HECTD2: variants seen among roughly 807,000 people sequenced by gnomAD.
HECTD2 encodes the protein probable E3 ubiquitin-protein ligase HECTD2.
A neutral mutation model predicts 103.2 loss-of-function variants in HECTD2; 35 were observed. That is an observed-to-expected ratio of 0.34 (90% confidence interval 0.26 to 0.45). The LOEUF (loss-of-function observed/expected upper bound fraction) is 0.45. Ranked by LOEUF, HECTD2 falls within the 20% of genes least tolerant of loss-of-function variation. The pLI is 1.00. For missense variants in HECTD2, 596 were observed against 937.4 expected (o/e 0.64, Z 4.76); for synonymous variants, 281 against 329.9 (o/e 0.85, Z 1.61).
intron 2 of HECTD2, among the ~76,000 whole-genome samples, chr10:91,429,585 A>C (rs1050457111): frequency 4.6e-5 from 7 of 152,220 alleles, no homozygotes; most frequent in Admixed American, 2.6e-4. Context: ...AGAGATTCAA[A>C]TTCTTCCTGG....
rs569407136 is a variant in HECTD2, at chr10:91,513,915, G to T, written c.*1531G>T. ...GGGTCACTTTGTTTACTATTCTCTT[G>T]GAGATGGAAGTGATTCTGCTCTTCC... On this transcript the variant is annotated 3_prime_UTR_variant, in exon 21 of 21. Coordinates refer to ENST00000298068, the MANE Select transcript of HECTD2 (RefSeq NM_182765.6). 1 of 152,588 alleles carries T rather than the reference G, an allele frequency of 6.6e-6. No individual in the cohort carries two copies. The highest frequency in any genetic ancestry group is 2.4e-5 in the African/African-American group (1 of 41,514). The allele number at this position is 152,588 out of a possible 1,614,324, so 9.5% of individuals were successfully genotyped here. A position where few individuals can be genotyped will look rare whatever the true frequency, so the allele number is the denominator to read the frequency against.
chr10:91,415,026 A>G (rs1843063610), intron 1 of HECTD2, among the ~76,000 whole-genome samples: 1 of 152,246 alleles, frequency 6.6e-6, no homozygotes, highest in Non-Finnish European at 1.5e-5. Flanking sequence ...TGCCTGAGGC[A>G]ATGAGTGCAT....
chr10:91,412,722 A>G (rs1365016330), intron 1 of HECTD2, among the ~76,000 whole-genome samples: 1 of 150,212 alleles, frequency 6.7e-6, no homozygotes, highest in East Asian at 1.9e-4. Flanking sequence ...CTTCAAAGCT[A>G]GAATTCAGAG....
In HECTD2 at chr10:91,454,744, A is replaced by G. The variant is rs886836716; in HGVS notation, c.269-5683A>G. Among the ~76,000 whole-genome samples the G allele has an allele frequency of 3.5e-5, 5 of 142,598 alleles. No homozygotes were observed. The East Asian group carries it at 8.3e-4, about 24-fold the overall frequency. 93.5% of individuals were successfully genotyped at this position (142,598 alleles called of 152,430 possible). A position where few individuals can be genotyped will look rare whatever the true frequency, so the allele number is the denominator to read the frequency against. ...CTCCCCCTACCCCACAACAGGCCCC[A>G]GTGTGTAATGTTCCCCTTCCTGTGT... On this transcript the variant is annotated intron_variant, in intron 2 of 20. Coordinates refer to ENST00000298068, the MANE Select transcript of HECTD2 (RefSeq NM_182765.6).
chr10:91,491,328 A>G, intron 12 of HECTD2, 21 bp downstream of exon 12: 1 of 1,113,156 alleles, frequency 9.0e-7, no homozygotes, highest in Non-Finnish European at 1.3e-6. Flanking sequence ...TTCCAAAATG[A>G]TATTAATTAA....
intron 4 of HECTD2, 49 bp from the exon 5 acceptor site, chr10:91,462,046 A>C: frequency 7.5e-7 from 1 of 1,336,420 alleles, no homozygotes; most frequent in South Asian, 1.3e-5. Flanking sequence ...TTTACTAAGA[A>C]TAGTCTTTAA....
chr10:91,469,802 A>C (rs1238592503), intron 5 of HECTD2, among the ~76,000 whole-genome samples: 1 of 152,192 alleles, frequency 6.6e-6, no homozygotes, highest in Admixed American at 6.5e-5. Context: ...AGAAAGACCA[A>C]ACTATATGCT....
chr10:91,460,612 G>C (rs772030060), intron 3 of HECTD2, 47 bp downstream of exon 3: 1 of 1,527,294 alleles, frequency 6.5e-7, no homozygotes, highest in Admixed American at 2.1e-5. Context: ...CTGCATGTCA[G>C]CACTTTACAT....
Position 91,476,934 on chromosome 10 carries a change from A to G in HECTD2, c.601-1267A>G, listed in dbSNP as rs1315343713. Among the ~76,000 whole-genome samples the G allele has an allele frequency of 6.9e-5, 10 of 145,626 alleles. No homozygotes were observed. In the East Asian group the frequency reaches 2.1e-3, roughly 31 times the overall value. ...GGTGGCTCATGCCTGTAATCCCAGC[A>G]CTTTGGGAGGCCGAGGCGGGTGGAT... On this transcript the variant is annotated intron_variant, in intron 5 of 20. Transcript: ENST00000298068.
intron 2 of HECTD2, among the ~76,000 whole-genome samples, chr10:91,429,227 C>T (rs953659173): frequency 6.6e-6 from 1 of 152,056 alleles, no homozygotes; most frequent in Non-Finnish European, 1.5e-5. Flanking sequence ...AGGGATGAAG[C>T]CCACTTGATC....
At chr10:91,428,924 A>C (rs1441111470) in intron 2 of HECTD2, among the ~76,000 whole-genome samples, 1 of 151,746 alleles carries the variant, frequency 6.6e-6, no homozygotes, top group Admixed American at 6.6e-5. Context: ...GTTGAATCGG[A>C]GTGGTGAGAG....
rs1847546510 is a variant in HECTD2, at chr10:91,514,700, A to C, written c.*2316A>C. ...TTTTTACGTCCTTCCTTTTTTGTAC[A>C]AATCTGTATTGTATTAATTTCTGGA... On this transcript the variant is annotated 3_prime_UTR_variant, in exon 21 of 21. Transcript: ENST00000298068. 6.6e-6 allele frequency: 1 copy of C among 152,534 alleles called. No homozygotes were observed. Among genetic ancestry groups the C allele is most frequent in the Non-Finnish European group, 1.5e-5 (1 of 68,016 alleles). 9.4% of individuals were successfully genotyped at this position (152,534 alleles called of 1,614,324 possible). A position where few individuals can be genotyped will look rare whatever the true frequency, so the allele number is the denominator to read the frequency against.
chr10:91,498,210 T>C (rs1390314943), intron 16 of HECTD2, 28 bp downstream of exon 16: 1 of 1,443,070 alleles, frequency 6.9e-7, no homozygotes, highest in South Asian at 1.1e-5. Context: ...TAGTTATCTG[T>C]TAATCATATA....
chr10:91,461,169 C>A (rs1845331419), intron 3 of HECTD2, 85 bp from the exon 4 acceptor site: 1 of 615,666 alleles, frequency 1.6e-6, no homozygotes, highest in Admixed American at 3.0e-5. Flanking sequence ...TTTTGTATTG[C>A]ATGTTTGGTG....
chr10:91,491,846 ATTTAT>A (rs1424836197), intron 12 of HECTD2, among the ~76,000 whole-genome samples: 1 of 151,976 alleles, frequency 6.6e-6, no homozygotes, highest in Non-Finnish European at 1.5e-5. Context: ...TTATTTATTT[ATTTAT>A]TTTTGTGACA....
intron 2 of HECTD2, among the ~76,000 whole-genome samples, chr10:91,436,986 C>T (rs1484873910): frequency 1.3e-5 from 2 of 151,976 alleles, no homozygotes; most frequent in African/African-American, 2.4e-5. Context: ...AAAATATGCT[C>T]AGTCTGACAT....
At chr10:91,496,512 T>C (rs1269219694) in intron 15 of HECTD2, 140 bp downstream of exon 15, 9 of 608,092 alleles carry the variant, frequency 1.5e-5, no homozygotes, top group Non-Finnish European at 1.6e-5. Flanking sequence ...TTTTTTCATC[T>C]AGCTTTTTCT....
At chr10:91,492,330 A>G (rs750945985) in intron 12 of HECTD2, 22 bp from the exon 13 acceptor site, 12 of 1,603,666 alleles carry the variant, frequency 7.5e-6, no homozygotes, top group Non-Finnish European at 1.0e-5. Flanking sequence ...GTTCTCCTCT[A>G]CTGTATAATA....
intron 1 of HECTD2, among the ~76,000 whole-genome samples, chr10:91,412,711 A>T (rs1842975172): frequency 2.1e-5 from 3 of 141,574 alleles, no homozygotes; most frequent in African/African-American, 9.0e-5. Flanking sequence ...TCAAAGAGAG[A>T]CTTCAAAGCT....
Sources: allele counts gnomAD v4.1 joint callset (sites outside exome capture counted in the v4.1 genomes callset), GRCh38; gene constraint gnomAD v4.1.1; transcripts MANE v1.5; gene names NCBI Gene and HGNC (gene_info 2026-07-23, HGNC 2026-07-21).